Variants in ERC2 observed in about 807,000 individuals in gnomAD.
ERC2 encodes ELKS/RAB6-interacting/CAST family member 2.
ERC2 carries 42 observed loss-of-function variants against 114.8 expected under a neutral mutation model. The ratio of observed to expected loss-of-function variants is 0.37; its 90% CI spans 0.29 to 0.47. The LOEUF is 0.47. Among genes scored for constraint, ERC2 ranks in the 20% least tolerant of loss-of-function variants. The pLI, the probability that ERC2 is intolerant of heterozygous loss-of-function variation, is 0.99. For missense variants in ERC2, 939 were observed against 1,150.7 expected (o/e 0.82, Z 2.66); for synonymous variants, 454 against 425.5 (o/e 1.07, Z -0.82).
chr3:55,540,792 A>G (rs17263248), intron 17 of ERC2, among the ~76,000 whole-genome samples: 26,917 of 152,186 alleles, frequency 0.18, 2,912 homozygotes, highest in Middle Eastern at 0.3. Context: ...TTCAAGAGCA[A>G]GGTCAGTTCG....
chr3:56,430,786 C>T (rs1201759437), intron 2 of ERC2, among the ~76,000 whole-genome samples: 1 of 152,154 alleles, frequency 6.6e-6, no homozygotes, highest in Non-Finnish European at 1.5e-5. Context: ...GAAACCCTGT[C>T]TCAAAATAAT....
chr3:55,599,838 G>A lies in ERC2; in HGVS notation c.*39+83956C>T, dbSNP rs534568900. Among the ~76,000 whole-genome samples the A allele has an allele frequency of 6.6e-5, 10 of 152,198 alleles. No individual in the cohort carries two copies. The East Asian group carries it at 1.5e-3, about 24-fold the overall frequency. The stretch of plus-strand genomic sequence containing the variant: ...AAATTGAGTCTTGTGGATGAATAAC[G>A]CCTTGGACTGGTAGAAGATCCAAGT... On this transcript the variant is annotated intron_variant, in intron 17 of 17. Transcript: ENST00000288221.
At chr3:55,832,550 G>C (rs1022137147) in intron 14 of ERC2, among the ~76,000 whole-genome samples, 6 of 152,248 alleles carry the variant, frequency 3.9e-5, no homozygotes, top group Admixed American at 1.3e-4. Flanking sequence ...TGAGGGTCCT[G>C]TGTGTTAGAA....
intron 3 of ERC2, among the ~76,000 whole-genome samples, chr3:56,289,788 G>A (rs574045613): frequency 1.3e-5 from 2 of 152,242 alleles, no homozygotes; most frequent in East Asian, 3.9e-4. Flanking sequence ...GCCATTCAAG[G>A]CCTCTCAGTG....
At chr3:55,896,471 C>A (rs2063847286) in intron 13 of ERC2, among the ~76,000 whole-genome samples, 1 of 152,182 alleles carries the variant, frequency 6.6e-6, no homozygotes, top group African/African-American at 2.4e-5. Flanking sequence ...GACAGTCCAG[C>A]AAGAAAGCAA....
intron 6 of ERC2, among the ~76,000 whole-genome samples, chr3:56,122,317 T>C (rs2079623096): frequency 6.6e-6 from 1 of 152,112 alleles, no homozygotes; most frequent in Non-Finnish European, 1.5e-5. Flanking sequence ...ATCCCCACAC[T>C]TACATACAGC....
At chr3:56,034,930 C>T (rs920798390) in intron 7 of ERC2, among the ~76,000 whole-genome samples, 6 of 151,318 alleles carry the variant, frequency 4.0e-5, no homozygotes, top group Non-Finnish European at 5.9e-5. Flanking sequence ...AAAATAAGAA[C>T]GAACAAACCC....
chr3:56,225,154 C>A (rs1324022559), intron 3 of ERC2, among the ~76,000 whole-genome samples: 9 of 152,162 alleles, frequency 5.9e-5, no homozygotes, highest in African/African-American at 2.2e-4. Context: ...TTTCTCCACT[C>A]CCACCATGTG....
At chr3:56,088,689 T>A (rs1369010120) in intron 6 of ERC2, among the ~76,000 whole-genome samples, 1 of 152,276 alleles carries the variant, frequency 6.6e-6, no homozygotes, top group South Asian at 2.1e-4. Context: ...TGCAAATATA[T>A]ATGTTCAACT....
intron 2 of ERC2, among the ~76,000 whole-genome samples, chr3:56,378,164 A>G (rs2059616139): frequency 6.6e-6 from 1 of 151,088 alleles, no homozygotes; most frequent in East Asian, 2.0e-4. Flanking sequence ...AAGACTTGGA[A>G]CCAACCCAAA....
At chr3:55,601,347 T>C (rs2058394287) in intron 17 of ERC2, among the ~76,000 whole-genome samples, 1 of 152,238 alleles carries the variant, frequency 6.6e-6, no homozygotes, top group Admixed American at 6.5e-5. Flanking sequence ...ATTGCCCTTT[T>C]ATTTTAATCA....
At chr3:56,440,947 G>A (rs1576983555) in intron 1 of ERC2, among the ~76,000 whole-genome samples, 1 of 152,180 alleles carries the variant, frequency 6.6e-6, no homozygotes. Flanking sequence ...AGAATTGTCT[G>A]TAGTTCCATT....
rs116811213 is a variant in ERC2, at chr3:55,619,398, T to C, written c.*39+64396A>G. On this transcript the variant is annotated intron_variant, in intron 17 of 17. Coordinates refer to ENST00000288221, the MANE Select transcript of ERC2 (RefSeq NM_015576.3). ...AGTGATGTGTCCTTCACACCAGGCT[T>C]TGTGTGCATCAGGGTTTATGCATTT... Among the ~76,000 whole-genome samples the C allele has an allele frequency of 2.7e-3, 406 of 152,290 alleles. 1 individual carries two copies. Among genetic ancestry groups the C allele is most frequent in the African/African-American group, 9.3e-3 (388 of 41,562 alleles).
chr3:55,660,126 T>A (rs1208655954), intron 17 of ERC2, among the ~76,000 whole-genome samples: 2 of 148,648 alleles, frequency 1.3e-5, no homozygotes, highest in Non-Finnish European at 3.0e-5. Flanking sequence ...TTGTTAAATG[T>A]CTGAACAATG....
chr3:55,564,226 G>C (rs944769371), intron 17 of ERC2, among the ~76,000 whole-genome samples: 1 of 152,174 alleles, frequency 6.6e-6, no homozygotes, highest in Admixed American at 6.5e-5. Context: ...AACTAGGAAG[G>C]CACCATTCTG....
At chr3:55,888,297 A>G in intron 14 of ERC2, 92 bp downstream of exon 14, 1 of 1,396,226 alleles carries the variant, frequency 7.2e-7, no homozygotes, top group Non-Finnish European at 9.7e-7. Flanking sequence ...TCTTTTTCTG[A>G]GCTCTTTCTT....
intron 2 of ERC2, among the ~76,000 whole-genome samples, chr3:56,348,794 A>G (rs1415230847): frequency 1.3e-5 from 2 of 151,762 alleles, no homozygotes; most frequent in African/African-American, 4.8e-5. Context: ...CAGAGCTCCA[A>G]TAAATAATAG....
intron 3 of ERC2, among the ~76,000 whole-genome samples, chr3:56,196,393 A>G (rs2048106400): frequency 1.3e-5 from 2 of 152,198 alleles, no homozygotes; most frequent in African/African-American, 4.8e-5. Flanking sequence ...TATTAAAAAT[A>G]CAGCCCATTT....
At position 55,734,835 on chromosome 3, in the gene ERC2, G is replaced by A. The variant is rs373590634; in HGVS notation, c.2648C>T (p.Thr883Met). ...LELSASKKKK[T>M]QEEVMALKRE... ...CTTGAGGGCCATGACTTCTTCCTGC[G>A]TCTTTTTCTTTTTGGAGGCAGACAA... Residue 883 changes from threonine (T) to methionine (M), a missense_variant, in exon 15 of 18, where the codon ACG becomes ATG. Physicochemically the swap from Thr to Met is moderately conservative, Grantham distance 81. Transcript: ENST00000288221. The A allele has an allele frequency of 1.3e-5, 21 of 1,612,836 alleles. No homozygotes were observed. The highest frequency in any genetic ancestry group is 9.3e-5 in the African/African-American group (7 of 74,934).
Sources: allele counts gnomAD v4.1 joint callset (sites outside exome capture counted in the v4.1 genomes callset), GRCh38; gene constraint gnomAD v4.1.1; transcripts MANE v1.5; gene names NCBI Gene and HGNC (gene_info 2026-07-23, HGNC 2026-07-21).